The following TACR3 variants were observed in gnomAD, a reference collection of about 807,000 sequenced individuals.
TACR3 encodes neuromedin-K receptor.
Under a neutral mutation model 35.0 loss-of-function variants are expected in TACR3, and 34 were observed. The ratio of observed to expected loss-of-function variants is 0.97; its 90% CI spans 0.74 to 1.30. The LOEUF (loss-of-function observed/expected upper bound fraction) is 1.30. Ranked by LOEUF, TACR3 falls within the 50% of genes most tolerant of loss-of-function variation. The probability of loss-of-function intolerance (pLI) is 0.00; values close to 1 mark genes in which losing one functional copy is unlikely to be tolerated. For synonymous variants in TACR3, 233 were observed against 221.1 expected, an observed-to-expected ratio of 1.05 and a Z score of -0.48; for missense variants, 558 against 591.7, an observed-to-expected ratio of 0.94 and a Z score of 0.59.
At chr4:103,591,889 CCTAT>C (rs1444856967) in intron 3 of TACR3, among the ~76,000 whole-genome samples, 38 of 152,220 alleles carry the variant, frequency 2.5e-4, no homozygotes, top group African/African-American at 9.1e-4. Flanking sequence ...TTCATTTCTA[CCTAT>C]CTAAGTGAAT....
At chr4:103,614,528 A>G (rs1360079992) in intron 3 of TACR3, among the ~76,000 whole-genome samples, 2 of 152,226 alleles carry the variant, frequency 1.3e-5, no homozygotes, top group East Asian at 3.8e-4. Flanking sequence ...TTCAGTCTTC[A>G]TTGCACAGTA....
At chr4:103,604,519 C>T (rs536153006) in intron 3 of TACR3, among the ~76,000 whole-genome samples, 1 of 152,222 alleles carries the variant, frequency 6.6e-6, no homozygotes, top group Admixed American at 6.5e-5. Flanking sequence ...GCAATGGCAA[C>T]AAAAGCCAAA....
At chr4:103,590,656 A>G (rs1723873663) in intron 4 of TACR3, among the ~76,000 whole-genome samples, 1 of 152,136 alleles carries the variant, frequency 6.6e-6, no homozygotes, top group South Asian at 2.1e-4. Flanking sequence ...TAGAACCCCA[A>G]CTGAGAAGAG....
At chr4:103,675,549 A>T (rs1691566801) in intron 1 of TACR3, among the ~76,000 whole-genome samples, 1 of 152,230 alleles carries the variant, frequency 6.6e-6, no homozygotes, top group South Asian at 2.1e-4. Context: ...AATGTTATCC[A>T]GGACTAGCAA....
At chr4:103,673,096 G>C (rs1000279785) in intron 1 of TACR3, among the ~76,000 whole-genome samples, 1 of 152,172 alleles carries the variant, frequency 6.6e-6, no homozygotes, top group Admixed American at 6.6e-5. Flanking sequence ...TTGGCTTAAG[G>C]AAATGTTGTG....
intron 1 of TACR3, among the ~76,000 whole-genome samples, chr4:103,711,038 T>G (rs1488780002): frequency 6.6e-6 from 1 of 152,132 alleles, no homozygotes; most frequent in Admixed American, 6.5e-5. Context: ...GCCAGATGGA[T>G]TCACAGCCAA....
intron 3 of TACR3, among the ~76,000 whole-genome samples, chr4:103,641,546 A>G (rs1725356303): frequency 6.6e-6 from 1 of 152,006 alleles, no homozygotes; most frequent in Admixed American, 6.6e-5. Context: ...TAGTACAGCC[A>G]TTGCGTAAAA....
intron 1 of TACR3, among the ~76,000 whole-genome samples, chr4:103,668,779 G>C (rs970282741): frequency 1.3e-5 from 2 of 151,488 alleles, no homozygotes; most frequent in African/African-American, 2.4e-5. Context: ...AACTCGGGAA[G>C]TGGAGGGTAC....
At chr4:103,697,394 A>ATTTGTTTGTTTG (rs1468628685) in intron 1 of TACR3, among the ~76,000 whole-genome samples, 1 of 139,528 alleles carries the variant, frequency 7.2e-6, no homozygotes, top group Non-Finnish European at 1.5e-5. Flanking sequence ...TTATTTATTT[A>ATTTGTTTGTTTG]TTTATTTGTT....
intron 1 of TACR3, among the ~76,000 whole-genome samples, chr4:103,714,779 T>C (rs1171858824): frequency 1.3e-5 from 2 of 152,164 alleles, no homozygotes; most frequent in Non-Finnish European, 2.9e-5. Context: ...AGTTCATATC[T>C]ATAATGTTGG....
At chr4:103,623,263 T>C (rs1238309141) in intron 3 of TACR3, among the ~76,000 whole-genome samples, 1 of 152,146 alleles carries the variant, frequency 6.6e-6, no homozygotes, top group African/African-American at 2.4e-5. Context: ...CACTCAACTA[T>C]TGTAATCTGG....
chr4:103,657,218 G>GTT (rs11445973), intron 2 of TACR3, among the ~76,000 whole-genome samples: 4,491 of 151,598 alleles, frequency 0.03, 216 homozygotes, highest in African/African-American at 0.1. Flanking sequence ...CCATACCAGT[G>GTT]TTTTTTTTGT....
At chr4:103,649,887 C>T (rs1310133937) in intron 3 of TACR3, among the ~76,000 whole-genome samples, 1 of 151,990 alleles carries the variant, frequency 6.6e-6, no homozygotes, top group Non-Finnish European at 1.5e-5. Context: ...CCTGGGTGAT[C>T]CTGAAGGTCA....
chr4:103,629,857 A>AC lies in TACR3; in HGVS notation c.888+26336_888+26337insG, dbSNP rs1560813999. On this transcript the variant is annotated intron_variant, in intron 3 of 4. Transcript: ENST00000304883. ...AGACAATCCTAAGCAAAACAAAAAA[A>AC]AAACAAAAAAAAAACAAAAAAAACA... Among the ~76,000 whole-genome samples, 54 of 117,144 alleles carry AC rather than the reference A, an allele frequency of 4.6e-4. No homozygotes were observed. The East Asian group carries it at 8.4e-3, about 18-fold the overall frequency. The allele number at this position is 117,144 out of a possible 152,430, so 76.9% of individuals were successfully genotyped here. A position where few individuals can be genotyped will look rare whatever the true frequency, so the allele number is the denominator to read the frequency against.
At chr4:103,699,926 G>A (rs1722607279) in intron 1 of TACR3, among the ~76,000 whole-genome samples, 1 of 152,140 alleles carries the variant, frequency 6.6e-6, no homozygotes, top group East Asian at 1.9e-4. Context: ...TACTGACAAG[G>A]GTTTTAAACT....
intron 3 of TACR3, among the ~76,000 whole-genome samples, chr4:103,639,112 A>G (rs1392341940): frequency 1.3e-5 from 2 of 152,124 alleles, no homozygotes; most frequent in Non-Finnish European, 2.9e-5. Flanking sequence ...AGGATTATAA[A>G]TCATGCTGCT....
intron 3 of TACR3, among the ~76,000 whole-genome samples, chr4:103,617,653 G>T (rs1262451532): frequency 1.3e-5 from 2 of 152,042 alleles, no homozygotes; most frequent in Non-Finnish European, 2.9e-5. Flanking sequence ...ACCAGACTTG[G>T]AATATCAAAA....
chr4:103,593,215 A>C (rs1337655606), intron 3 of TACR3: 1 of 152,194 alleles, frequency 6.6e-6, no homozygotes. Flanking sequence ...AAATTGAGGC[A>C]AAAACCCAAA....
chr4:103,598,906 C>T (rs959634205), intron 3 of TACR3, among the ~76,000 whole-genome samples: 12 of 151,938 alleles, frequency 7.9e-5, no homozygotes, highest in Non-Finnish European at 1.6e-4. Context: ...CAGCTTTGTT[C>T]TTTTGGCTTA....
Sources: allele counts gnomAD v4.1 joint callset (sites outside exome capture counted in the v4.1 genomes callset), GRCh38; gene constraint gnomAD v4.1.1; transcripts MANE v1.5; gene names NCBI Gene and HGNC (gene_info 2026-07-23, HGNC 2026-07-21).